TTC19: variants seen among roughly 807,000 people sequenced by gnomAD.
The protein encoded by TTC19 is tetratricopeptide repeat protein 19, mitochondrial.
A neutral mutation model predicts 49.5 loss-of-function variants in TTC19; 38 were observed. The observed-to-expected ratio is 0.77, with a 90% CI of 0.59 to 1.01. The LOEUF (loss-of-function observed/expected upper bound fraction) is 1.01, where lower values mean the gene tolerates loss of function less well. Ranked by LOEUF, TTC19 falls within the 50% of genes least tolerant of loss-of-function variation. TTC19 has a pLI of 0.00. For synonymous variants in TTC19, 204 were observed against 185.2 expected (o/e 1.10, Z -0.83); for missense variants, 475 against 477.7 (o/e 0.99, Z 0.05).
intron 2 of TTC19, chr17:16,039,259 T>G: frequency 1.6e-6 from 1 of 622,862 alleles, no homozygotes; most frequent in Admixed American, 3.0e-5. Flanking sequence ...TCTGTTCATA[T>G]TATAATGTCT....
At position 16,029,332 on chromosome 17, in the gene TTC19, A is replaced by T. The variant is rs908007035; in HGVS notation, c.*1810A>T. 6.0e-5 allele frequency: 26 copies of T among 436,204 alleles called. No individual in the cohort carries two copies. Among genetic ancestry groups the T allele is most frequent in the Non-Finnish European group, 9.6e-5 (21 of 219,866 alleles). 27.0% of individuals were successfully genotyped at this position (436,204 alleles called of 1,614,324 possible). A position where few individuals can be genotyped will look rare whatever the true frequency, so the allele number is the denominator to read the frequency against. Reference sequence around the variant, plus strand: ...AGGTACTGAAGCAAAAGGAGGACTGATCTCCTTTACTGATTGGTCTAAATT... The same window carrying T: ...AGGTACTGAAGCAAAAGGAGGACTGTTCTCCTTTACTGATTGGTCTAAATT... On this transcript the variant is annotated 3_prime_UTR_variant, in exon 10 of 10. Coordinates refer to ENST00000261647, the MANE Select transcript of TTC19 (RefSeq NM_017775.4).
At chr17:16,039,830 A>G (rs4792716) in intron 2 of TTC19, 319,185 of 583,132 alleles carry the variant, frequency 0.55, 91,456 homozygotes, top group African/African-American at 0.72. Context: ...TCTCTGTCGC[A>G]CCCAGGCTGG....
chr17:16,013,683 A>G (rs571988302), intron 7 of TTC19, among the ~76,000 whole-genome samples: 1 of 152,276 alleles, frequency 6.6e-6, no homozygotes, highest in East Asian at 1.9e-4. Flanking sequence ...ACATTCTTTG[A>G]ATTATATATT....
At chr17:16,035,715 A>C (rs898805535) in intron 2 of TTC19, among the ~76,000 whole-genome samples, 6 of 151,432 alleles carry the variant, frequency 4.0e-5, no homozygotes, top group African/African-American at 1.5e-4. Flanking sequence ...CTACTTTTTA[A>C]AATTTTTGTA....
In TTC19 at chr17:16,044,847, C is replaced by A; in HGVS notation, c.*292C>A. On this transcript the variant is annotated 3_prime_UTR_variant, in exon 3 of 3. Coordinates refer to the TTC19 transcript ENST00000470649. ...CCTGCTCCAGCAGCTGGTGCTGCAC[C>A]AGTGGGATCCTGCCCACTCCACTGC... 5.3e-6 allele frequency: 5 copies of A among 935,960 alleles called. 1 individual carries two copies. In the South Asian group the frequency reaches 5.4e-5, roughly 10 times the overall value. 58.0% of individuals were successfully genotyped at this position (935,960 alleles called of 1,614,324 possible). A position where few individuals can be genotyped will look rare whatever the true frequency, so the allele number is the denominator to read the frequency against.
intron 7 of TTC19, among the ~76,000 whole-genome samples, chr17:16,008,729 T>A (rs1970982315): frequency 6.6e-6 from 1 of 152,072 alleles, no homozygotes; most frequent in Non-Finnish European, 1.5e-5. Flanking sequence ...CCTCTTTGCT[T>A]GATATTCCCC....
chr17:16,040,121 T>G, intron 2 of TTC19: 1 of 507,124 alleles, frequency 2.0e-6, no homozygotes, highest in East Asian at 5.2e-5. Context: ...GATAACTCCT[T>G]AAGGAAATTT....
chr17:16,028,809 T>G lies in TTC19; in HGVS notation c.*1287T>G. On this transcript the variant is annotated 3_prime_UTR_variant, in exon 10 of 10. Coordinates refer to ENST00000261647, the MANE Select transcript of TTC19 (RefSeq NM_017775.4). ...ATATTGTATGTATCCCAGTAATCTT[T>G]GCATTTCTCAAAAAAAAAAAAAAAA... The G allele has an allele frequency of 3.9e-6, 1 of 255,134 alleles. No individual in the cohort carries two copies. The highest frequency in any genetic ancestry group is 2.3e-5 in the South Asian group (1 of 44,332). 15.8% of individuals were successfully genotyped at this position (255,134 alleles called of 1,614,324 possible). A position where few individuals can be genotyped will look rare whatever the true frequency, so the allele number is the denominator to read the frequency against.
chr17:16,041,989 C>T (rs1321909450), intron 2 of TTC19, among the ~76,000 whole-genome samples: 1 of 152,156 alleles, frequency 6.6e-6, no homozygotes, highest in Non-Finnish European at 1.5e-5. Flanking sequence ...CCGCCTCGGC[C>T]TCCCAAAGTG....
Position 16,000,237 on chromosome 17 carries a change from C to G in TTC19, c.304C>G (p.Arg102Gly), listed in dbSNP as rs961191529. ...AEAEIIQLLK[R>G]AKLSIMKDEP... is the part of the protein sequence containing the mutation. ...GGCAGAGATCATCCAGCTGCTGAAGCGAGCCAAGGTGAGGCGGCTCCGGGC... is the reference window on the plus strand; with the variant it reads ...GGCAGAGATCATCCAGCTGCTGAAGGGAGCCAAGGTGAGGCGGCTCCGGGC... The change falls in exon 2 of 10, where the codon CGA (arginine) becomes GGA (glycine). Residue 102 changes from arginine to glycine, a missense_variant. Physicochemically the swap from Arg to Gly is moderately radical, Grantham distance 125. Coordinates refer to ENST00000261647, the MANE Select transcript of TTC19 (RefSeq NM_017775.4). 93 of 1,595,124 alleles carry G rather than the reference C, an allele frequency of 5.8e-5. No individual in the cohort carries two copies. Among genetic ancestry groups the G allele is most frequent in the Non-Finnish European group, 7.5e-5 (89 of 1,179,152 alleles).
rs767909917 is a variant in TTC19 at position 16,028,294 on chromosome 17, G to A, written c.*772G>A. On this transcript the variant is annotated 3_prime_UTR_variant, in exon 10 of 10. Transcript: ENST00000261647. Reference sequence around the variant, plus strand: ...TGAGTCATCTCAAGTACTCTTTAAGGACACACAGCCCAGGCTGTTCTGAGT... The same window carrying A: ...TGAGTCATCTCAAGTACTCTTTAAGAACACACAGCCCAGGCTGTTCTGAGT... The A allele has an allele frequency of 1.1e-5, 5 of 454,050 alleles. No individual in the cohort carries two copies. Among genetic ancestry groups the A allele is most frequent in the South Asian group, 7.8e-5 (5 of 64,474 alleles). 28.1% of individuals were successfully genotyped at this position (454,050 alleles called of 1,614,324 possible). A position where few individuals can be genotyped will look rare whatever the true frequency, so the allele number is the denominator to read the frequency against.
chr17:16,002,946 C>A, intron 4 of TTC19, 115 bp downstream of exon 4: 4 of 975,218 alleles, frequency 4.1e-6, no homozygotes, highest in Non-Finnish European at 6.5e-6. Flanking sequence ...AATATAGTGA[C>A]TCAAACAAGA....
intron 7 of TTC19, among the ~76,000 whole-genome samples, chr17:16,012,759 A>G (rs1358042464): frequency 3.3e-5 from 5 of 151,770 alleles, no homozygotes; most frequent in Non-Finnish European, 7.4e-5. Context: ...GCTGGTCTCG[A>G]ACTGCCGACC....
intron 3 of TTC19, chr17:16,002,566 G>A: frequency 1.8e-6 from 1 of 568,774 alleles, no homozygotes; most frequent in South Asian, 2.1e-5. Context: ...TTTTTTTAAT[G>A]ATGAGTGGAC....
chr17:16,038,210 A>C (rs1296789773), intron 2 of TTC19, among the ~76,000 whole-genome samples: 3 of 152,220 alleles, frequency 2.0e-5, no homozygotes, highest in Non-Finnish European at 4.4e-5. Context: ...GAAAAGCACA[A>C]GAGATATTCT....
chr17:16,009,972 G>C (rs564232136), intron 7 of TTC19, among the ~76,000 whole-genome samples: 18 of 151,902 alleles, frequency 1.2e-4, no homozygotes, highest in Admixed American at 8.5e-4. Flanking sequence ...TAGGTTTATA[G>C]GGAATTTATA....
At chr17:16,034,930 G>T in intron 2 of TTC19, 1 of 1,613,850 alleles carries the variant, frequency 6.2e-7, no homozygotes, top group Non-Finnish European at 8.5e-7. Context: ...ATCAGCTTTG[G>T]TTTGCAAACT....
chr17:16,013,588 C>G (rs117144315), intron 7 of TTC19, among the ~76,000 whole-genome samples: 1 of 152,174 alleles, frequency 6.6e-6, no homozygotes, highest in East Asian at 1.9e-4. Flanking sequence ...AGTAATCAAT[C>G]TATATGTACT....
rs769747295 is a variant in TTC19, at chr17:16,006,562, A to C, written c.670A>C (p.Met224Leu). The C allele has an allele frequency of 6.9e-6, 11 of 1,604,036 alleles. No individual in the cohort carries two copies. In the South Asian group the frequency reaches 9.9e-5, roughly 14 times the overall value. The stretch of plus-strand genomic sequence containing the variant: ...AGAAAAGGAATTAGCAGAAGACATT[A>C]TGTCAGGTAGGAAACCCATTATCTG... Reference protein sequence around the residue: ...EREKELAEDIMSVEEKANTHL... With the variant: ...EREKELAEDILSVEEKANTHL... The change falls in exon 7 of 10, where the codon ATG (methionine) becomes CTG (leucine). Residue 224 changes from methionine (M) to leucine (L), a missense_variant. Transcript: ENST00000261647.
Sources: allele counts gnomAD v4.1 joint callset (sites outside exome capture counted in the v4.1 genomes callset), GRCh38; gene constraint gnomAD v4.1.1; transcripts MANE v1.5; gene names NCBI Gene and HGNC (gene_info 2026-07-23, HGNC 2026-07-21).